Variants in NAA35 observed in about 807,000 individuals in gnomAD.
NAA35 encodes the protein N-alpha-acetyltransferase 35, NatC auxiliary subunit.
NAA35 carries 18 observed loss-of-function variants against 101.7 expected under a neutral mutation model. The observed-to-expected ratio is 0.18, with a 90% CI of 0.12 to 0.26. The LOEUF (loss-of-function observed/expected upper bound fraction) is 0.26, where lower values mean the gene tolerates loss of function less well. Among genes scored for constraint, NAA35 ranks in the 10% least tolerant of loss-of-function variants. The pLI is 1.00. For synonymous variants in NAA35, 267 were observed against 273.1 expected (o/e 0.98, Z 0.22); for missense variants, 601 against 886.8 (o/e 0.68, Z 4.09).
chr9:85,989,447 G>A (rs957646338), intron 11 of NAA35, among the ~76,000 whole-genome samples: 3 of 151,828 alleles, frequency 2.0e-5, no homozygotes, highest in Non-Finnish European at 4.4e-5. Flanking sequence ...CTTCAGCCTG[G>A]GTGACAGAGT....
intron 6 of NAA35, among the ~76,000 whole-genome samples, chr9:85,971,093 T>C (rs879581758): frequency 4.6e-5 from 7 of 152,358 alleles, no homozygotes; most frequent in African/African-American, 1.7e-4. Flanking sequence ...TTACATTCAT[T>C]TGAAAACACC....
At chr9:85,945,510 T>A in intron 2 of NAA35, among the ~76,000 whole-genome samples, 1 of 152,072 alleles carries the variant, frequency 6.6e-6, no homozygotes, top group East Asian at 1.9e-4. Context: ...AAGAATGTAA[T>A]GGCATTTGGC....
At chr9:85,995,002 TAAC>T (rs1460143164) in intron 11 of NAA35, among the ~76,000 whole-genome samples, 2 of 152,100 alleles carry the variant, frequency 1.3e-5, no homozygotes, top group Admixed American at 6.5e-5. Context: ...CAAAAATACA[TAAC>T]AACTATCATA....
rs371749058 is a variant in NAA35, at chr9:85,957,075, C to G, written c.158+682C>G. On this transcript the variant is annotated intron_variant, in intron 3 of 22. Transcript: ENST00000361671. ...TGGGGATTGGGGTGCCGACCCACCC[C>G]CTCACAGTCAAGAATCCACGTATAA... Among the ~76,000 whole-genome samples, 248 of 152,234 alleles carry G rather than the reference C, an allele frequency of 1.6e-3. 1 individual carries two copies. The highest frequency in any genetic ancestry group is 3.8e-3 in the African/African-American group (158 of 41,548).
chr9:86,000,257 C>G (rs1323577176), intron 12 of NAA35, among the ~76,000 whole-genome samples: 1 of 152,128 alleles, frequency 6.6e-6, no homozygotes, highest in East Asian at 1.9e-4. Context: ...CCTACTTGAT[C>G]ATGGTGAATT....
intron 11 of NAA35, among the ~76,000 whole-genome samples, chr9:85,995,310 A>G (rs1831108722): frequency 6.7e-6 from 1 of 149,852 alleles, no homozygotes; most frequent in Non-Finnish European, 1.5e-5. Context: ...AAATTATTTT[A>G]TTTTATTTAT....
chr9:85,949,685 T>C (rs1296638126), intron 2 of NAA35, among the ~76,000 whole-genome samples: 2 of 152,208 alleles, frequency 1.3e-5, no homozygotes. Flanking sequence ...TTTTTAACTT[T>C]GAATCATTAC....
chr9:85,952,013 T>C (rs1829040133), intron 2 of NAA35, among the ~76,000 whole-genome samples: 1 of 152,160 alleles, frequency 6.6e-6, no homozygotes, highest in African/African-American at 2.4e-5. Context: ...ATAAGCACAT[T>C]TGTTATCACT....
At chr9:85,941,899 C>A in intron 1 of NAA35, 1 of 1,184,236 alleles carries the variant, frequency 8.4e-7, no homozygotes, top group South Asian at 3.3e-5. Flanking sequence ...GATTTTTCTT[C>A]TTAAACAGTA....
rs549361709 is a variant in NAA35, at chr9:85,962,285, G to A, written c.516+105G>A. 4.3e-3 allele frequency: 4,311 copies of A among 1,004,336 alleles called. 19 individuals are homozygous for A. Among genetic ancestry groups the A allele is most frequent in the Non-Finnish European group, 5.5e-3 (3,810 of 694,998 alleles). 62.2% of individuals were successfully genotyped at this position (1,004,336 alleles called of 1,614,324 possible). On this transcript the variant is annotated intron_variant, in intron 6 of 22. Coordinates refer to ENST00000361671, the MANE Select transcript of NAA35 (RefSeq NM_024635.4). ...GTGGGCAGATCACCTGAGGTCAGGA[G>A]TTTGAGACCAGCCTGGCCAACATGG...
intron 8 of NAA35, among the ~76,000 whole-genome samples, chr9:85,976,187 C>T (rs1830203310): frequency 6.6e-6 from 1 of 152,130 alleles, no homozygotes; most frequent in East Asian, 1.9e-4. Flanking sequence ...AGTAGATCTT[C>T]CTGTAGTACC....
rs1832726997 is a variant in NAA35, at chr9:86,025,078, AAGAC to A, written c.*3121_*3124del. ...CACCGTTTTGTTTGCACAAGACTCT[AAGAC>A]AGTATACTGCCTTAAATAAAGTGCA... On this transcript the variant is annotated 3_prime_UTR_variant, in exon 23 of 23. Transcript: ENST00000361671. Among the ~76,000 whole-genome samples the A allele has an allele frequency of 6.6e-6, 1 of 152,206 alleles. No homozygotes were observed. The highest frequency in any genetic ancestry group is 1.5e-5 in the Non-Finnish European group (1 of 68,038).
intron 6 of NAA35, among the ~76,000 whole-genome samples, chr9:85,973,494 A>C (rs189717748): frequency 1.3e-5 from 2 of 152,290 alleles, no homozygotes; most frequent in Non-Finnish European, 1.5e-5. Flanking sequence ...GTTAGACTAG[A>C]ATCTGAAGAT....
Position 86,024,728 on chromosome 9 carries a change from T to C in NAA35, c.*2768T>C, listed in dbSNP as rs1832710148. Reference sequence around the variant, plus strand: ...CACTTGTGTAGATATCTAGGCAAGGTAGGAGACCAGGTTTGGGATAAAGAT... The same window carrying C: ...CACTTGTGTAGATATCTAGGCAAGGCAGGAGACCAGGTTTGGGATAAAGAT... On this transcript the variant is annotated 3_prime_UTR_variant, in exon 23 of 23. Transcript: ENST00000361671. Among the ~76,000 whole-genome samples the C allele has an allele frequency of 6.6e-6, 1 of 150,406 alleles. No homozygotes were observed. Among genetic ancestry groups the C allele is most frequent in the Non-Finnish European group, 1.5e-5 (1 of 67,456 alleles).
intron 22 of NAA35, among the ~76,000 whole-genome samples, chr9:86,021,556 G>A (rs1832555965): frequency 1.3e-5 from 2 of 152,118 alleles, no homozygotes; most frequent in African/African-American, 4.8e-5. Flanking sequence ...TCATCTCATT[G>A]CTTAGTTCTA....
intron 2 of NAA35, among the ~76,000 whole-genome samples, chr9:85,955,961 A>G (rs1467335350): frequency 1.3e-5 from 2 of 152,224 alleles, no homozygotes; most frequent in African/African-American, 4.8e-5. Context: ...TGACACTGTT[A>G]CTGGAACAAA....
chr9:85,978,393 A>C lies in NAA35; in HGVS notation c.877+12A>C, dbSNP rs200156742. ...TACTACAAAAGGAGGTAATTGTTCAATTTGCTCCTACTCTTTCTTTTCTTC... is the reference window on the plus strand; with the variant it reads ...TACTACAAAAGGAGGTAATTGTTCACTTTGCTCCTACTCTTTCTTTTCTTC... On this transcript the variant is annotated intron_variant, in intron 11 of 22. Transcript: ENST00000361671. The C allele has an allele frequency of 1.1e-5, 17 of 1,507,944 alleles. No individual in the cohort carries two copies. In the South Asian group the frequency reaches 1.3e-4, roughly 12 times the overall value. The allele number at this position is 1,507,944 out of a possible 1,614,324, so 93.4% of individuals were successfully genotyped here.
chr9:85,983,161 A>G (rs1830502635), intron 11 of NAA35, among the ~76,000 whole-genome samples: 1 of 152,180 alleles, frequency 6.6e-6, no homozygotes, highest in Admixed American at 6.5e-5. Context: ...ACTTGAGGGT[A>G]TATGAGGCCC....
intron 2 of NAA35, among the ~76,000 whole-genome samples, chr9:85,947,340 C>A (rs1219970057): frequency 2.6e-5 from 4 of 151,942 alleles, no homozygotes; most frequent in Non-Finnish European, 5.9e-5. Context: ...TTTTGCCCCC[C>A]ACAGCCCCAT....
Sources: allele counts gnomAD v4.1 joint callset (sites outside exome capture counted in the v4.1 genomes callset), GRCh38; gene constraint gnomAD v4.1.1; transcripts MANE v1.5; gene names NCBI Gene and HGNC (gene_info 2026-07-23, HGNC 2026-07-21).